Variants in KIAA1549L observed in about 807,000 individuals in gnomAD.
The protein encoded by KIAA1549L is UPF0606 protein KIAA1549L.
KIAA1549L carries 88 observed loss-of-function variants against 160.7 expected under a neutral mutation model. The observed-to-expected ratio is 0.55, with a 90% confidence interval of 0.46 to 0.65. KIAA1549L has a LOEUF of 0.65. KIAA1549L is among the 30% of genes least tolerant of loss of function. KIAA1549L has a pLI of 0.00. For missense variants in KIAA1549L, 2,258 were observed against 2,437.5 expected, an observed-to-expected ratio of 0.93 and a Z score of 1.55; for synonymous variants, 950 against 976.7, an observed-to-expected ratio of 0.97 and a Z score of 0.51.
intron 20 of KIAA1549L, among the ~76,000 whole-genome samples, chr11:33,665,780 C>A (rs894613087): frequency 6.6e-6 from 1 of 152,138 alleles, no homozygotes; most frequent in African/African-American, 2.4e-5. Flanking sequence ...GGGGGCTTGT[C>A]CCCAACCCCA....
At chr11:33,562,678 CTT>C (rs35756207) in intron 8 of KIAA1549L, among the ~76,000 whole-genome samples, 28 of 133,956 alleles carry the variant, frequency 2.1e-4, no homozygotes, top group Admixed American at 3.8e-4. Flanking sequence ...TTCATTTCCT[CTT>C]TTTTTTTTTT....
At chr11:33,571,726 C>G (rs535891895) in intron 9 of KIAA1549L, among the ~76,000 whole-genome samples, 1 of 152,274 alleles carries the variant, frequency 6.6e-6, no homozygotes, top group East Asian at 1.9e-4. Context: ...TACCTCCCAC[C>G]GGGACCCACC....
rs1850646716 is a variant in KIAA1549L at position 33,406,163 on chromosome 11, TTTG to T, written c.238+29282_238+29284del. Reference sequence around the variant, plus strand: ...CACAATTACAATTTGATTATAGATTTTTGTTGTTGTGAATATAACAAAGGCATG... The same window carrying T: ...CACAATTACAATTTGATTATAGATTTTTGTTGTGAATATAACAAAGGCATG... On this transcript the variant is annotated intron_variant, in intron 1 of 20. Transcript: ENST00000658780. Among the ~76,000 whole-genome samples, 5 of 152,360 alleles carry T rather than the reference TTTG, an allele frequency of 3.3e-5. No homozygotes were observed. In the South Asian group the frequency reaches 1.0e-3, roughly 32 times the overall value.
intron 1 of KIAA1549L, among the ~76,000 whole-genome samples, chr11:33,384,951 T>G (rs72919354): frequency 0.064 from 9,632 of 150,784 alleles, 357 homozygotes; most frequent in South Asian, 0.12. Flanking sequence ...TTTGTTTTTT[T>G]TTTTTAAAAG....
intron 1 of KIAA1549L, among the ~76,000 whole-genome samples, chr11:33,472,098 C>T (rs1386293774): frequency 1.3e-5 from 2 of 151,676 alleles, no homozygotes; most frequent in Non-Finnish European, 2.9e-5. Context: ...CTCTTTCTTC[C>T]TTCCTTTCCT....
intron 6 of KIAA1549L, among the ~76,000 whole-genome samples, chr11:33,558,245 G>T (rs1327935051): frequency 1.3e-5 from 2 of 152,168 alleles, no homozygotes; most frequent in East Asian, 3.8e-4. Flanking sequence ...TCAAATGAAG[G>T]TGGCTTTGTA....
chr11:33,514,038 C>T (rs1853284971), intron 1 of KIAA1549L, among the ~76,000 whole-genome samples: 3 of 152,220 alleles, frequency 2.0e-5, no homozygotes, highest in Non-Finnish European at 2.9e-5. Context: ...TGCTACAGCT[C>T]CCTCTGCACC....
intron 1 of KIAA1549L, among the ~76,000 whole-genome samples, chr11:33,395,036 G>A (rs923252605): frequency 2.6e-5 from 4 of 152,202 alleles, no homozygotes; most frequent in East Asian, 1.9e-4. Context: ...CAGGTTTGGC[G>A]AACAGCCAGC....
At chr11:33,591,474 G>A (rs1034912101) in intron 12 of KIAA1549L, 53 bp downstream of exon 12, 2 of 1,424,172 alleles carry the variant, frequency 1.4e-6, no homozygotes, top group South Asian at 1.3e-5. Flanking sequence ...AATAATTGAT[G>A]ATGAGAAAAG....
At chr11:33,638,431 A>AT (rs1463020153) in intron 16 of KIAA1549L, among the ~76,000 whole-genome samples, 20 of 19,274 alleles carry the variant, frequency 1.0e-3, no homozygotes, top group East Asian at 2.2e-3. Context: ...ATAAAAAAAA[A>AT]AAAAATAAAT....
rs886681757 is a variant in KIAA1549L, at chr11:33,670,739, G to A, written c.*2585G>A. 4 of 152,240 alleles carry A rather than the reference G, an allele frequency of 2.6e-5. No individual in the cohort carries two copies. The highest frequency in any genetic ancestry group is 1.3e-4 in the Admixed American group (2 of 15,288). 9.4% of individuals were successfully genotyped at this position (152,240 alleles called of 1,614,324 possible). A position where few individuals can be genotyped will look rare whatever the true frequency, so the allele number is the denominator to read the frequency against. On this transcript the variant is annotated 3_prime_UTR_variant, in exon 21 of 21. Transcript: ENST00000658780. ...AAAGTGCCTCAAGGAATTGAAATAAGGTTCCCAGAGAGCCCTGAGGAGGCA... is the reference window on the plus strand; with the variant it reads ...AAAGTGCCTCAAGGAATTGAAATAAAGTTCCCAGAGAGCCCTGAGGAGGCA...
Position 33,568,223 on chromosome 11 carries a change from T to A in KIAA1549L, c.4226T>A (p.Val1409Glu). The change falls in exon 9 of 21, where the codon GTG (valine) becomes GAG (glutamate). Residue 1409 changes from valine (V) to glutamate (E), a missense_variant. Physicochemically the swap from Val to Glu is moderately radical, Grantham distance 121 (BLOSUM62 -2). Around this residue, in one of 6 missense-constraint regions of KIAA1549L, gnomAD observed 1,359 missense variants for 1,546.6 expected, o/e 0.88. Transcript: ENST00000658780. ...GCCACCACCCTGGGAAGCTACACTG[T>A]GCAGGTAGGTGTATACAGAGCCACT... ...KRATTLGSYT[V>E]QMVKMQRVPG... is the part of the protein sequence containing the mutation. 2 of 1,612,310 alleles carry A rather than the reference T, an allele frequency of 1.2e-6. No homozygotes were observed. Among genetic ancestry groups the A allele is most frequent in the Non-Finnish European group, 1.7e-6 (2 of 1,179,164 alleles).
intron 1 of KIAA1549L, among the ~76,000 whole-genome samples, chr11:33,426,511 A>C (rs1170790379): frequency 6.6e-6 from 1 of 152,194 alleles, no homozygotes; most frequent in East Asian, 1.9e-4. Context: ...CCTGGTGCAC[A>C]GGTGGTTGAG....
At chr11:33,595,973 T>C (rs1249221842) in intron 12 of KIAA1549L, among the ~76,000 whole-genome samples, 2 of 152,036 alleles carry the variant, frequency 1.3e-5, no homozygotes, top group African/African-American at 2.4e-5. Flanking sequence ...TTTGTTGATA[T>C]ATGACTGAGA....
At chr11:33,454,303 G>A (rs191064648) in intron 1 of KIAA1549L, among the ~76,000 whole-genome samples, 26 of 152,258 alleles carry the variant, frequency 1.7e-4, no homozygotes, top group African/African-American at 6.3e-4. Flanking sequence ...GCAAATCAGA[G>A]GCAACAAATG....
intron 1 of KIAA1549L, among the ~76,000 whole-genome samples, chr11:33,509,631 T>C (rs1189609662): frequency 6.6e-6 from 1 of 152,198 alleles, no homozygotes; most frequent in Admixed American, 6.5e-5. Context: ...CTCAATTCCA[T>C]CTGAGGCAGG....
chr11:33,566,437 G>A (rs1033323894), intron 8 of KIAA1549L, among the ~76,000 whole-genome samples: 1 of 152,220 alleles, frequency 6.6e-6, no homozygotes, highest in Non-Finnish European at 1.5e-5. Flanking sequence ...GTGTCATGAG[G>A]GATTCCAGGG....
At chr11:33,408,102 GA>G (rs1170485002) in intron 1 of KIAA1549L, among the ~76,000 whole-genome samples, 1 of 151,982 alleles carries the variant, frequency 6.6e-6, no homozygotes, top group Non-Finnish European at 1.5e-5. Context: ...CTTTCTGGAG[GA>G]AAAAACCTCA....
chr11:33,387,134 A>T (rs1850189293), intron 1 of KIAA1549L, among the ~76,000 whole-genome samples: 1 of 152,100 alleles, frequency 6.6e-6, no homozygotes. Flanking sequence ...AAAATAAAAT[A>T]AAATGAGAGA....
Sources: gnomAD v4.1 joint callset for allele counts (sites outside exome capture counted in the v4.1 genomes callset) on GRCh38, gnomAD v4.1.1 for gene constraint, gnomAD v4.1.1 regional missense constraint, MANE v1.5 for transcripts, NCBI Gene and HGNC (gene_info 2026-07-23, HGNC 2026-07-21) for gene names.